The following ZFHX4 variants were observed in gnomAD, a reference collection of about 807,000 sequenced individuals.
The protein encoded by ZFHX4 is zinc finger homeobox 4, also known as zinc finger homeobox protein 4.
In ZFHX4, 56 loss-of-function variants were observed where a neutral mutation model predicts 267.6. The ratio of observed to expected loss-of-function variants is 0.21; its 90% CI spans 0.17 to 0.26. The LOEUF is 0.26. ZFHX4 is among the 10% of genes least tolerant of loss of function. The pLI is 1.00. For synonymous variants in ZFHX4, 1,778 were observed against 1,665.6 expected, an observed-to-expected ratio of 1.07 and a Z score of -1.64; for missense variants, 4,332 against 4,420.0, an observed-to-expected ratio of 0.98 and a Z score of 0.56.
chr8:76,787,029 G>A (rs1810709832), intron 4 of ZFHX4, among the ~76,000 whole-genome samples: 1 of 152,124 alleles, frequency 6.6e-6, no homozygotes, highest in South Asian at 2.1e-4. Flanking sequence ...CTCTTTTCCT[G>A]TAAATAGCAT....
At chr8:76,771,812 T>C (rs142743548) in intron 3 of ZFHX4, among the ~76,000 whole-genome samples, 1,590 of 152,226 alleles carry the variant, frequency 0.01, 15 homozygotes, top group Non-Finnish European at 0.015. Context: ...TGTAGAGATG[T>C]TGATAGATTG....
chr8:76,826,273 T>C (rs1286633340), intron 4 of ZFHX4, among the ~76,000 whole-genome samples: 1 of 152,100 alleles, frequency 6.6e-6, no homozygotes, highest in Non-Finnish European at 1.5e-5. Context: ...TGCTAAGCCA[T>C]TCATGAGGAA....
At chr8:76,788,828 G>T (rs1256991194) in intron 4 of ZFHX4, among the ~76,000 whole-genome samples, 1 of 152,104 alleles carries the variant, frequency 6.6e-6, no homozygotes, top group Non-Finnish European at 1.5e-5. Context: ...CTGGGGTCTG[G>T]GCCATACTAA....
chr8:76,801,371 A>G (rs1302316712), intron 4 of ZFHX4, among the ~76,000 whole-genome samples: 7 of 152,164 alleles, frequency 4.6e-5, no homozygotes, highest in Non-Finnish European at 1.0e-4. Flanking sequence ...CATTTAATAA[A>G]TATTGTTTGA....
At chr8:76,774,689 A>C (rs1810359044) in intron 3 of ZFHX4, among the ~76,000 whole-genome samples, 1 of 152,140 alleles carries the variant, frequency 6.6e-6, no homozygotes, top group Non-Finnish European at 1.5e-5. Context: ...TTAAAAAAGA[A>C]TATAATTTTC....
intron 3 of ZFHX4, among the ~76,000 whole-genome samples, chr8:76,722,741 C>T (rs988675426): frequency 2.6e-5 from 4 of 151,906 alleles, no homozygotes; most frequent in Admixed American, 2.0e-4. Flanking sequence ...GAGATGAAAG[C>T]TTTCCTTATG....
At chr8:76,782,870 G>A (rs761052339) in intron 4 of ZFHX4, among the ~76,000 whole-genome samples, 2 of 151,808 alleles carry the variant, frequency 1.3e-5, no homozygotes, top group Non-Finnish European at 1.5e-5. Context: ...ACTTTTTAAG[G>A]GACTCTATTG....
At chr8:76,777,365 G>A (rs558571897) in intron 3 of ZFHX4, among the ~76,000 whole-genome samples, 1 of 152,196 alleles carries the variant, frequency 6.6e-6, no homozygotes, top group African/African-American at 2.4e-5. Flanking sequence ...TTGCGAAACA[G>A]ATTTTTTTTT....
At position 76,774,576 on chromosome 8, in the gene ZFHX4, AAAG is replaced by A. The variant is rs1810355443; in HGVS notation, c.3094-3631_3094-3629del. 2.6e-5 allele frequency among the ~76,000 whole-genome samples: 4 copies of A among 152,284 alleles called. No individual in the cohort carries two copies. In the East Asian group the frequency reaches 7.7e-4, roughly 29 times the overall value. On this transcript the variant is annotated intron_variant, in intron 3 of 10. Coordinates refer to ENST00000651372, the MANE Select transcript of ZFHX4 (RefSeq NM_024721.5). The stretch of plus-strand genomic sequence containing the variant: ...AAAATGAGAAATGATGTAAAAACCT[AAAG>A]GAGATATACAAAATATCTACCAAAA...
At position 76,864,542 on chromosome 8, in the gene ZFHX4, C is replaced by T. The variant is rs756089769; in HGVS notation, c.10828C>T (p.Arg3610Ter). Residue 3610 changes from arginine (R) to a stop codon, truncating the protein, a stop_gained, in exon 11 of 11, where the codon CGA becomes TGA. Coordinates refer to ENST00000651372, the MANE Select transcript of ZFHX4 (RefSeq NM_024721.5). LOFTEE classifies it high-confidence loss of function. ...SGLDGNFNSI[R>*]MDMFSV ...CCTAGATGGTAATTTCAATAGCATC[C>T]GAATGGATATGTTCAGTGTGTAGGA... 8.7e-6 allele frequency: 14 copies of T among 1,607,994 alleles called. No individual in the cohort carries two copies. The Admixed American group carries it at 1.2e-4, about 14-fold the overall frequency.
intron 3 of ZFHX4, among the ~76,000 whole-genome samples, chr8:76,730,422 C>A (rs926414472): frequency 7.9e-5 from 12 of 152,050 alleles, no homozygotes; most frequent in African/African-American, 2.7e-4. Context: ...ATTTTTAGGC[C>A]GAGCACAGTG....
intron 4 of ZFHX4, among the ~76,000 whole-genome samples, chr8:76,793,458 C>T (rs1047515584): frequency 1.3e-4 from 20 of 152,128 alleles, no homozygotes; most frequent in Admixed American, 7.9e-4. Context: ...TGATTTCAAA[C>T]GGTAAATGGA....
At position 76,706,530 on chromosome 8, in the gene ZFHX4, C is replaced by T. The variant is rs1417416556; in HGVS notation, c.2442C>T (p.Ala814=). ...QIQHNLHLGL[A]PAEAELYQYY... ...AGCATAATCTGCACTTGGGCCTCGCCCCGGCGGAAGCAGAGCTTTATCAGT... is the reference window on the plus strand; with the variant it reads ...AGCATAATCTGCACTTGGGCCTCGCTCCGGCGGAAGCAGAGCTTTATCAGT... The change falls in exon 2 of 11, where the codon GCC becomes GCT. Residue 814 remains alanine, a synonymous_variant. Transcript: ENST00000651372. 2 of 1,613,496 alleles carry T rather than the reference C, an allele frequency of 1.2e-6. No individual in the cohort carries two copies. The highest frequency in any genetic ancestry group is 1.1e-5 in the South Asian group (1 of 90,954).
At chr8:76,861,088 T>G (rs1451761136) in intron 10 of ZFHX4, among the ~76,000 whole-genome samples, 1 of 152,014 alleles carries the variant, frequency 6.6e-6, no homozygotes, top group Non-Finnish European at 1.5e-5. Flanking sequence ...GATCAGAGAG[T>G]TTATTCATTC....
chr8:76,844,285 T>C (rs1418982323), intron 6 of ZFHX4, among the ~76,000 whole-genome samples: 2 of 152,132 alleles, frequency 1.3e-5, no homozygotes, highest in South Asian at 2.1e-4. Context: ...ATCTTTCACA[T>C]AGTAGTACCA....
chr8:76,717,372 T>C (rs1386169560), intron 3 of ZFHX4, among the ~76,000 whole-genome samples: 2 of 152,192 alleles, frequency 1.3e-5, no homozygotes, highest in Non-Finnish European at 2.9e-5. Flanking sequence ...TTGTATTAAC[T>C]GGACTTAGAG....
intron 3 of ZFHX4, among the ~76,000 whole-genome samples, chr8:76,772,110 G>A (rs1810279811): frequency 1.3e-5 from 2 of 152,046 alleles, no homozygotes; most frequent in Non-Finnish European, 2.9e-5. Context: ...TATCTCCTTT[G>A]TCGGCCATAT....
rs1273515954 is a variant in ZFHX4, at chr8:76,778,422, G to C, written c.3308G>C (p.Cys1103Ser). Reference sequence around the variant, plus strand: ...AGTGAGATCTTTTTTGTTAAAGATTGCCCACCAAATGAGCTTGGTGAGTAA... The same window carrying C: ...AGTGAGATCTTTTTTGTTAAAGATTCCCCACCAAATGAGCTTGGTGAGTAA... ...NLSEIFFVKD[C>S]PPNELETASL... Residue 1103 changes from cysteine (C) to serine (S), a missense_variant, in exon 4 of 11, where the codon TGC becomes TCC. Cys to Ser is a moderately radical substitution (Grantham distance 112, BLOSUM62 -1). Transcript: ENST00000651372. 6.2e-7 allele frequency: 1 copy of C among 1,613,556 alleles called. No individual in the cohort carries two copies. The highest frequency in any genetic ancestry group is 2.2e-5 in the East Asian group (1 of 44,856).
chr8:76,768,861 C>T (rs9918876), intron 3 of ZFHX4, among the ~76,000 whole-genome samples: 1 of 151,722 alleles, frequency 6.6e-6, no homozygotes, highest in African/African-American at 2.4e-5. Flanking sequence ...AAAGATGAGG[C>T]GAGCACAAGT....
Sources: allele counts gnomAD v4.1 joint callset (sites outside exome capture counted in the v4.1 genomes callset), GRCh38; gene constraint gnomAD v4.1.1; transcripts MANE v1.5; gene names NCBI Gene and HGNC (gene_info 2026-07-23, HGNC 2026-07-21).